The following ATP2C2 variants were observed in gnomAD, a reference collection of about 807,000 sequenced individuals.
ATP2C2 encodes the protein calcium-transporting ATPase type 2C member 2.
ATP2C2 carries 171 observed loss-of-function variants against 110.8 expected under a neutral mutation model. The ratio of observed to expected loss-of-function variants is 1.54; its 90% CI spans 1.36 to 1.75. The LOEUF (loss-of-function observed/expected upper bound fraction) is 1.75, where lower values mean the gene tolerates loss of function less well. ATP2C2 is among the 40% of genes most tolerant of loss of function. ATP2C2 has a pLI of 0.00. For synonymous variants in ATP2C2, 804 were observed against 508.4 expected (o/e 1.58, Z -7.82); for missense variants, 1,963 against 1,235.0 (o/e 1.59, Z -8.84).
intron 15 of ATP2C2, among the ~76,000 whole-genome samples, chr16:84,443,257 AAAGGAAGGAAG>A (rs1909434659): frequency 6.6e-6 from 1 of 152,180 alleles, no homozygotes; most frequent in Non-Finnish European, 1.5e-5. Context: ...AGGAGGGAGC[AAAGGAAGGAAG>A]AAGGTGGCCC....
chr16:84,373,403 G>A (rs944726932), intron 1 of ATP2C2, among the ~76,000 whole-genome samples: 1 of 152,142 alleles, frequency 6.6e-6, no homozygotes, highest in Non-Finnish European at 1.5e-5. Context: ...AGAAGGCTGA[G>A]GCAGAAGAAA....
chr16:84,459,912 T>A, intron 23 of ATP2C2: 1 of 282,246 alleles, frequency 3.5e-6, no homozygotes, highest in Non-Finnish European at 6.9e-6. Context: ...GTCCACCCGC[T>A]CCGCCACTTA....
chr16:84,442,344 C>T (rs1909339380), intron 14 of ATP2C2, among the ~76,000 whole-genome samples, 166 bp from the exon 15 acceptor site: 2 of 152,168 alleles, frequency 1.3e-5, no homozygotes, highest in African/African-American at 4.8e-5. Flanking sequence ...TCAGCACAGC[C>T]AAGAAATAGT....
chr16:84,461,071 C>T (rs1414254656), intron 24 of ATP2C2: 2 of 437,446 alleles, frequency 4.6e-6, no homozygotes, highest in Non-Finnish European at 8.1e-6. Flanking sequence ...TTGAAATGTA[C>T]ATGAGGACAG....
At chr16:84,394,316 G>C (rs777618716) in intron 1 of ATP2C2, among the ~76,000 whole-genome samples, 101 of 152,200 alleles carry the variant, frequency 6.6e-4, no homozygotes, top group Admixed American at 7.8e-4. Flanking sequence ...ATTCAGTTCT[G>C]AAACATTTGA....
At chr16:84,412,738 T>C (rs1906486563) in intron 6 of ATP2C2, among the ~76,000 whole-genome samples, 1 of 152,074 alleles carries the variant, frequency 6.6e-6, no homozygotes, top group African/African-American at 2.4e-5. Flanking sequence ...CTAACATTGG[T>C]TGAGGTCCTG....
At chr16:84,458,520 A>AG (rs1910912954) in intron 21 of ATP2C2, among the ~76,000 whole-genome samples, 4 of 151,332 alleles carry the variant, frequency 2.6e-5, no homozygotes, top group Admixed American at 2.0e-4. Context: ...TTAAATAAAA[A>AG]AAAAGTCATA....
chr16:84,397,644 A>G (rs546248106), intron 1 of ATP2C2, among the ~76,000 whole-genome samples: 217 of 142,480 alleles, frequency 1.5e-3, no homozygotes, highest in Non-Finnish European at 2.8e-3. Context: ...ACTGCACTCC[A>G]GCCTGGGTGA....
chr16:84,462,219 G>A (rs12448746), intron 26 of ATP2C2, 90 bp downstream of exon 26: 454,747 of 1,521,106 alleles, frequency 0.3, 72,980 homozygotes, highest in Non-Finnish European at 0.33. Context: ...CCCAGGAGGG[G>A]TCAGTGCGGG....
intron 3 of ATP2C2, among the ~76,000 whole-genome samples, chr16:84,406,024 A>C (rs2150520622): frequency 6.6e-6 from 1 of 152,302 alleles, no homozygotes; most frequent in East Asian, 1.9e-4. Flanking sequence ...TAAAAACAAA[A>C]AGTTCCTTGT....
At chr16:84,415,775 C>T (rs1009003437) in intron 7 of ATP2C2, among the ~76,000 whole-genome samples, 184 bp downstream of exon 7, 1 of 152,208 alleles carries the variant, frequency 6.6e-6, no homozygotes, top group African/African-American at 2.4e-5. Context: ...GCCCCTCAAA[C>T]CATATTTCAT....
At chr16:84,454,126 A>G (rs1160639545) in intron 20 of ATP2C2, among the ~76,000 whole-genome samples, 2 of 151,890 alleles carry the variant, frequency 1.3e-5, no homozygotes, top group African/African-American at 4.8e-5. Context: ...TTTTGGCTTT[A>G]TTCCTTTTAC....
intron 11 of ATP2C2, 31 bp downstream of exon 11, chr16:84,425,832 C>T (rs1194690496): frequency 9.9e-6 from 16 of 1,609,416 alleles, no homozygotes; most frequent in Non-Finnish European, 1.4e-5. Flanking sequence ...CCTTGCCTTG[C>T]CAGGGTGGTC....
intron 11 of ATP2C2, among the ~76,000 whole-genome samples, chr16:84,434,184 G>A (rs1305652794): frequency 5.9e-5 from 9 of 152,042 alleles, no homozygotes; most frequent in African/African-American, 1.7e-4. Context: ...TTGGGAGGCC[G>A]AGGCGCGTGG....
intron 1 of ATP2C2, among the ~76,000 whole-genome samples, chr16:84,391,725 T>A (rs942720228): frequency 1.3e-5 from 2 of 152,038 alleles, no homozygotes; most frequent in African/African-American, 4.8e-5. Context: ...GGTTTCAGAG[T>A]TTTAGCTTCC....
chr16:84,448,582 G>C lies in ATP2C2; in HGVS notation c.1553G>C (p.Arg518Pro), dbSNP rs765995492. The change falls in exon 17 of 27, where the codon CGC becomes CCC. Residue 518 changes from arginine (R) to proline (P), a missense_variant. Coordinates refer to ENST00000262429, the MANE Select transcript of ATP2C2 (RefSeq NM_014861.4). ...FMKGALEEVI[R>P]YCTMYNNGGI... Reference sequence around the variant, plus strand: ...AAAGGGGCCTTGGAAGAGGTGATCCGCTACTGCACCATGTACAACAACGGG... The same window carrying C: ...AAAGGGGCCTTGGAAGAGGTGATCCCCTACTGCACCATGTACAACAACGGG... The C allele has an allele frequency of 1.1e-5, 18 of 1,613,630 alleles. No individual in the cohort carries two copies. The highest frequency in any genetic ancestry group is 1.3e-5 in the African/African-American group (1 of 74,886).
intron 14 of ATP2C2, among the ~76,000 whole-genome samples, 155 bp from the exon 15 acceptor site, chr16:84,442,355 C>G (rs1258845638): frequency 6.6e-6 from 1 of 152,164 alleles, no homozygotes; most frequent in African/African-American, 2.4e-5. Context: ...AAGAAATAGT[C>G]ACGATGTTTC....
Position 84,405,728 on chromosome 16 carries a change from C to T in ATP2C2, c.327+484C>T, listed in dbSNP as rs188001619. Among the ~76,000 whole-genome samples the T allele has an allele frequency of 2.1e-3, 327 of 152,136 alleles. 4 individuals carry two copies. Among genetic ancestry groups the T allele is most frequent in the Admixed American group, 0.019 (284 of 15,282 alleles). ...TGAGCCCAGGAGTTCAAGACCAGCC[C>T]GGCCAACATGGCGAAACCCCGTCTC... On this transcript the variant is annotated intron_variant, in intron 3 of 26. Coordinates refer to ENST00000262429, the MANE Select transcript of ATP2C2 (RefSeq NM_014861.4).
chr16:84,369,853 C>T (rs1225644953), intron 1 of ATP2C2, among the ~76,000 whole-genome samples: 1 of 152,104 alleles, frequency 6.6e-6, no homozygotes, highest in Non-Finnish European at 1.5e-5. Flanking sequence ...GCCACAGGAC[C>T]ACGTAACTAG....
Sources: gnomAD v4.1 joint callset for allele counts (sites outside exome capture counted in the v4.1 genomes callset) on GRCh38, gnomAD v4.1.1 for gene constraint, MANE v1.5 for transcripts, NCBI Gene and HGNC (gene_info 2026-07-23, HGNC 2026-07-21) for gene names.